Variants in NSD3 observed in about 807,000 individuals in gnomAD.
NSD3 encodes histone-lysine N-methyltransferase NSD3.
NSD3 carries 24 observed loss-of-function variants against 160.8 expected under a neutral mutation model. The observed-to-expected ratio is 0.15, with a 90% CI of 0.11 to 0.21. The LOEUF is 0.21. Among genes scored for constraint, NSD3 ranks in the 10% least tolerant of loss-of-function variants. The probability of loss-of-function intolerance (pLI) is 1.00; values close to 1 mark genes in which losing one functional copy is unlikely to be tolerated. For missense variants in NSD3, 1,157 were observed against 1,735.9 expected, an observed-to-expected ratio of 0.67 and a Z score of 5.93; for synonymous variants, 520 against 600.0, an observed-to-expected ratio of 0.87 and a Z score of 1.95.
At chr8:38,370,954 T>C (rs1048291453) in intron 1 of NSD3, among the ~76,000 whole-genome samples, 13 of 152,142 alleles carry the variant, frequency 8.5e-5, no homozygotes, top group African/African-American at 3.1e-4. Flanking sequence ...TAATTTTTTT[T>C]AATGTATAAG....
At position 38,321,208 on chromosome 8, in the gene NSD3, C is replaced by T; in HGVS notation, c.1709-36G>A. 1 of 1,553,862 alleles carries T rather than the reference C, an allele frequency of 6.4e-7. No individual in the cohort carries two copies. The highest frequency in any genetic ancestry group is 8.8e-7 in the Non-Finnish European group (1 of 1,136,984). ...ATTTAAACACACAAACAAAAACTCA[C>T]TTAAGGATACCTTGACATCTATGTA... On this transcript the variant is annotated intron_variant, in intron 7 of 23. Transcript: ENST00000317025. This position sits in a 1 kb window ranked among gnomAD's most constrained non-coding sequence, Gnocchi z 4.7.
chr8:38,275,641 T>C lies in NSD3; in HGVS notation c.4314A>G (p.Ter1438=), dbSNP rs1808581351. Reference sequence around the variant, plus strand: ...ATAGAAAGGAGGGGACACCACACATTTATTCTTTTACTTCTTCTCCATGAT... The same window carrying C: ...ATAGAAAGGAGGGGACACCACACATCTATTCTTTTACTTCTTCTCCATGAT... ...SQDHGEEVKE[*] Residue 1438 remains the stop codon, a stop_retained_variant, in exon 24 of 24, where the codon TAA becomes TAG. Transcript: ENST00000317025. 6.2e-7 allele frequency: 1 copy of C among 1,613,240 alleles called. No homozygotes were observed. The highest frequency in any genetic ancestry group is 2.2e-5 in the East Asian group (1 of 44,882).
At chr8:38,276,248 G>C in intron 23 of NSD3, 48 bp downstream of exon 23, 2 of 1,585,072 alleles carry the variant, frequency 1.3e-6, no homozygotes, top group Non-Finnish European at 1.7e-6. Flanking sequence ...GTTACACATA[G>C]TTGGCAAAGA....
At chr8:38,356,919 G>A (rs150243389) in intron 1 of NSD3, among the ~76,000 whole-genome samples, 1 of 151,576 alleles carries the variant, frequency 6.6e-6, no homozygotes, top group Non-Finnish European at 1.5e-5. Flanking sequence ...AGGAGTTTGA[G>A]ACCAGCCTGG....
chr8:38,336,281 C>T (rs1810213901), intron 4 of NSD3: 1 of 152,226 alleles, frequency 6.6e-6, no homozygotes, highest in Non-Finnish European at 1.5e-5. Flanking sequence ...TCAAACCTTT[C>T]TTTGGCTACT....
At chr8:38,277,013 C>T (rs1585847904) in intron 22 of NSD3, among the ~76,000 whole-genome samples, 1 of 152,194 alleles carries the variant, frequency 6.6e-6, no homozygotes, top group Admixed American at 6.5e-5. Flanking sequence ...GCGATCTCAT[C>T]TCACTGCAAC....
At chr8:38,300,389 A>G (rs1405035539) in intron 14 of NSD3, among the ~76,000 whole-genome samples, 1 of 152,112 alleles carries the variant, frequency 6.6e-6, no homozygotes, top group East Asian at 1.9e-4. Context: ...GCTGGTCTCT[A>G]ACTTCTAGCC....
At chr8:38,313,568 C>T (rs1279689357) in intron 12 of NSD3, among the ~76,000 whole-genome samples, 2 of 151,660 alleles carry the variant, frequency 1.3e-5, no homozygotes, top group Non-Finnish European at 2.9e-5. Context: ...GCAGGCTGAT[C>T]ACGAGGTCAG....
chr8:38,284,567 A>C (rs1239415948), intron 19 of NSD3, among the ~76,000 whole-genome samples: 2 of 152,130 alleles, frequency 1.3e-5, no homozygotes, highest in African/African-American at 4.8e-5. Flanking sequence ...TTATATTTTT[A>C]GTAGAGATGG....
rs778302900 is a variant in NSD3 at position 38,278,287 on chromosome 8, G to A, written c.3867+19C>T. The A allele has an allele frequency of 4.4e-6, 7 of 1,607,522 alleles. No individual in the cohort carries two copies. The highest frequency in any genetic ancestry group is 2.2e-5 in the South Asian group (2 of 90,602). Reference sequence around the variant, plus strand: ...TCCTTATCGCCTGTTGACTGGGGGCGCTCCCCTGCAAGACTGACCTTTGGC... The same window carrying A: ...TCCTTATCGCCTGTTGACTGGGGGCACTCCCCTGCAAGACTGACCTTTGGC... On this transcript the variant is annotated intron_variant, in intron 22 of 23. Transcript: ENST00000317025.
chr8:38,352,750 G>T (rs1362284937), intron 1 of NSD3, among the ~76,000 whole-genome samples: 2 of 152,128 alleles, frequency 1.3e-5, no homozygotes, highest in African/African-American at 4.8e-5. Context: ...TGGGACTACA[G>T]GCATGCGCCA....
chr8:38,287,104 C>T (rs1808878933), intron 19 of NSD3, among the ~76,000 whole-genome samples: 1 of 152,180 alleles, frequency 6.6e-6, no homozygotes, highest in South Asian at 2.1e-4. Flanking sequence ...CAGCTTAATA[C>T]ACATGTACCG....
At chr8:38,367,137 G>A (rs1225162683) in intron 1 of NSD3, among the ~76,000 whole-genome samples, 1 of 152,162 alleles carries the variant, frequency 6.6e-6, no homozygotes. Flanking sequence ...CAAGCAAAAT[G>A]TCCACAGAGT....
rs1343825722 is a variant in NSD3, at chr8:38,317,283, C to A, written c.1856-1241G>T. ...TTCCTGACATCTATAAATGAGGGTG[C>A]CTGCCCATGTTAATGCTGATTAAAA... On this transcript the variant is annotated intron_variant, in intron 9 of 23. Transcript: ENST00000317025. This position sits in a 1 kb window ranked among gnomAD's most constrained non-coding sequence, Gnocchi z 5.3. 1.4e-5 allele frequency: 15 copies of A among 1,059,800 alleles called. No individual in the cohort carries two copies. The highest frequency in any genetic ancestry group is 1.7e-5 in the Non-Finnish European group (15 of 875,774). The allele number at this position is 1,059,800 out of a possible 1,614,324, so 65.6% of individuals were successfully genotyped here.
intron 1 of NSD3, among the ~76,000 whole-genome samples, chr8:38,364,277 A>AAAC (rs10672618): frequency 0.15 from 22,034 of 149,194 alleles, 1,653 homozygotes; most frequent in South Asian, 0.19. Flanking sequence ...ACTCCGTCTC[A>AAAC]AACAACAACA....
intron 1 of NSD3, among the ~76,000 whole-genome samples, chr8:38,353,844 C>G (rs1810758429): frequency 1.3e-5 from 2 of 152,128 alleles, no homozygotes; most frequent in African/African-American, 2.4e-5. Flanking sequence ...ACTGACTTTC[C>G]AAGACCACAA....
intron 19 of NSD3, among the ~76,000 whole-genome samples, chr8:38,283,852 T>C (rs974626271): frequency 1.3e-5 from 2 of 152,028 alleles, no homozygotes; most frequent in Admixed American, 6.6e-5. Flanking sequence ...GCTGTAATCC[T>C]AGCACTTTGG....
Position 38,318,494 on chromosome 8 carries a change from T to C in NSD3, c.1855+401A>G, listed in dbSNP as rs1809721782. 6.6e-6 allele frequency among the ~76,000 whole-genome samples: 1 copy of C among 152,234 alleles called. No homozygotes were observed. Among genetic ancestry groups the C allele is most frequent in the Admixed American group, 6.5e-5 (1 of 15,282 alleles). Reference sequence around the variant, plus strand: ...TAAAAATAAATGTGGCAAGATTTTTTCAATCAGCTTGTCTTGTCTGATTTG... The same window carrying C: ...TAAAAATAAATGTGGCAAGATTTTTCCAATCAGCTTGTCTTGTCTGATTTG... On this transcript the variant is annotated intron_variant, in intron 9 of 23. Transcript: ENST00000317025. This position sits in a 1 kb window ranked among gnomAD's most constrained non-coding sequence, Gnocchi z 5.3.
At chr8:38,330,872 G>T (rs187796117) in intron 5 of NSD3, among the ~76,000 whole-genome samples, 1 of 152,032 alleles carries the variant, frequency 6.6e-6, no homozygotes, top group Non-Finnish European at 1.5e-5. Context: ...TGTGATCTCG[G>T]TTGAACCAGT....
Sources: gnomAD v4.1 joint callset for allele counts (sites outside exome capture counted in the v4.1 genomes callset) on GRCh38, gnomAD v4.1.1 for gene constraint, Gnocchi (gnomAD v3.1) non-coding constraint, MANE v1.5 for transcripts, NCBI Gene and HGNC (gene_info 2026-07-23, HGNC 2026-07-21) for gene names.